RASIP1: variants seen among roughly 807,000 people sequenced by gnomAD.
RASIP1 encodes the protein Ras interacting protein 1.
RASIP1 carries 20 observed loss-of-function variants against 85.3 expected under a neutral mutation model. The ratio of observed to expected loss-of-function variants is 0.23; its 90% CI spans 0.17 to 0.34. The LOEUF (loss-of-function observed/expected upper bound fraction) is 0.34, where lower values mean the gene tolerates loss of function less well. Among genes scored for constraint, RASIP1 ranks in the 10% least tolerant of loss-of-function variants. The pLI is 1.00. For synonymous variants in RASIP1, 617 were observed against 647.1 expected (o/e 0.95, Z 0.71); for missense variants, 1,170 against 1,390.9 (o/e 0.84, Z 2.53).
intron 4 of RASIP1, among the ~76,000 whole-genome samples, chr19:48,732,663 C>G (rs1461633199): frequency 6.6e-6 from 1 of 152,132 alleles, no homozygotes; most frequent in Non-Finnish European, 1.5e-5. Flanking sequence ...CCAAAAGAGA[C>G]CTTCGTGTTC....
At chr19:48,725,906 A>G (rs2033334071) in intron 8 of RASIP1, among the ~76,000 whole-genome samples, 1 of 151,914 alleles carries the variant, frequency 6.6e-6, no homozygotes, top group South Asian at 2.1e-4. Context: ...AGTGGTGATG[A>G]TTACTTTTTT....
chr19:48,735,344 T>A lies in RASIP1; in HGVS notation c.1031A>T (p.Gln344Leu). 1 of 1,613,428 alleles carries A rather than the reference T, an allele frequency of 6.2e-7. No homozygotes were observed. The highest frequency in any genetic ancestry group is 8.5e-7 in the Non-Finnish European group (1 of 1,179,860). ...CCCTGGGGCCATGCTAAGTGCCTGCTGTCTCCGCTCCTGCTGCCGCCGCCG... is the reference window on the plus strand; with the variant it reads ...CCCTGGGGCCATGCTAAGTGCCTGCAGTCTCCGCTCCTGCTGCCGCCGCCG... ...GRRRRQQERR[Q>L]QALSMAPGAA... The change falls in exon 4 of 12, where the codon CAG becomes CTG. Residue 344 changes from glutamine to leucine, a missense_variant. Physicochemically the swap from Gln to Leu is moderately radical, Grantham distance 113. This residue lies in a region of RASIP1 where 301 missense variants were observed against 294.8 expected (regional missense o/e 1.02). Transcript: ENST00000222145.
chr19:48,728,482 A>C (rs2033381112), intron 5 of RASIP1, among the ~76,000 whole-genome samples: 1 of 151,954 alleles, frequency 6.6e-6, no homozygotes, highest in African/African-American at 2.4e-5. Context: ...ATAACCCCAA[A>C]ACACCGGGTG....
In RASIP1 at chr19:48,721,849, C is replaced by G; in HGVS notation, c.2692+5G>C. 6.2e-7 allele frequency: 1 copy of G among 1,604,242 alleles called. No homozygotes were observed. The highest frequency in any genetic ancestry group is 8.5e-7 in the Non-Finnish European group (1 of 1,176,060). On this transcript the variant is annotated splice_donor_5th_base_variant and intron_variant, in intron 11 of 11. Transcript: ENST00000222145. ...GCCCCAATGCTGTATCCCATTGCTC[C>G]TCACCTGTGTCCACAGCCTCCCGCT...
rs565632573 is a variant in RASIP1, at chr19:48,739,627, C to T, written c.156G>A (p.Thr52=). Reference sequence around the variant, plus strand: ...GTAGCGGCTCGCTGCTGCGGCTCCCCGTGTCCGACGAAGAAGACCTGGGAG... The same window carrying T: ...GTAGCGGCTCGCTGCTGCGGCTCCCTGTGTCCGACGAAGAAGACCTGGGAG... ...AASVKSSSSD[T]GSRSSEPLPP... The change falls in exon 3 of 12, where the codon ACG becomes ACA. Residue 52 remains threonine (T), a synonymous_variant. Coordinates refer to ENST00000222145, the MANE Select transcript of RASIP1 (RefSeq NM_017805.3). This position sits in a 1 kb window ranked among gnomAD's most constrained non-coding sequence, Gnocchi z 9.2. The T allele has an allele frequency of 1.6e-5, 23 of 1,432,854 alleles. No homozygotes were observed. In the East Asian group the frequency reaches 1.7e-4, roughly 11 times the overall value. The allele number at this position is 1,432,854 out of a possible 1,614,324, so 88.8% of individuals were successfully genotyped here. A position where few individuals can be genotyped will look rare whatever the true frequency, so the allele number is the denominator to read the frequency against.
At chr19:48,734,494 T>C (rs555396933) in intron 4 of RASIP1, among the ~76,000 whole-genome samples, 3,773 of 147,542 alleles carry the variant, frequency 0.026, 88 homozygotes, top group African/African-American at 0.052. Context: ...TTCTTTCTTT[T>C]TTTTTTTTTT....
Position 48,722,007 on chromosome 19 carries a change from G to A in RASIP1, c.2545-6C>T. On this transcript the variant is annotated splice_polypyrimidine_tract_variant and splice_region_variant and intron_variant, in intron 10 of 11. Transcript: ENST00000222145. ...CTTAGGCTGCTCCATGAAGCCTGGT[G>A]GGAAGACCAGGTGAGAGGTTGATGG... The A allele has an allele frequency of 7.0e-7, 1 of 1,421,178 alleles. No individual in the cohort carries two copies. 88.0% of individuals were successfully genotyped at this position (1,421,178 alleles called of 1,614,324 possible). A position where few individuals can be genotyped will look rare whatever the true frequency, so the allele number is the denominator to read the frequency against.
At chr19:48,735,045 A>C in intron 4 of RASIP1, 151 bp downstream of exon 4, 1 of 671,618 alleles carries the variant, frequency 1.5e-6, no homozygotes, top group Non-Finnish European at 2.5e-6. Flanking sequence ...CTCTCCTGTG[A>C]ATCTCTACTC....
At chr19:48,736,647 A>G (rs1039599462) in intron 3 of RASIP1, among the ~76,000 whole-genome samples, 1 of 152,170 alleles carries the variant, frequency 6.6e-6, no homozygotes, top group Non-Finnish European at 1.5e-5. Flanking sequence ...AGCTGAATGA[A>G]TGGACTGATG....
At position 48,730,836 on chromosome 19, in the gene RASIP1, G is replaced by A. The variant is rs370019492; in HGVS notation, c.1180-1246C>T. Among the ~76,000 whole-genome samples, 23 of 152,214 alleles carry A rather than the reference G, an allele frequency of 1.5e-4. No individual in the cohort carries two copies. In the East Asian group the frequency reaches 3.7e-3, roughly 24 times the overall value. ...AGGTCAAGAGTTCAAGACCAGACAC[G>A]GTGAAACCTGTCTCTACTAAAAATA... On this transcript the variant is annotated intron_variant, in intron 4 of 11. Coordinates refer to ENST00000222145, the MANE Select transcript of RASIP1 (RefSeq NM_017805.3).
chr19:48,729,646 C>A, intron 4 of RASIP1, 56 bp from the exon 5 acceptor site: 1 of 1,480,182 alleles, frequency 6.8e-7, no homozygotes, highest in Non-Finnish European at 9.2e-7. Flanking sequence ...ATCTTCAGAT[C>A]TGTTCTCTCT....
chr19:48,733,135 C>T (rs1273457294), intron 4 of RASIP1, among the ~76,000 whole-genome samples: 2 of 152,192 alleles, frequency 1.3e-5, no homozygotes, highest in African/African-American at 4.8e-5. Context: ...GGGGATTCTC[C>T]TGCCTCAGCC....
chr19:48,739,467 C>A lies in RASIP1; in HGVS notation c.316G>T (p.Ala106Ser). ...SGTGTTGSSG[A>S]GGPGTPGGAQ... ...CCCCCCGGGGTCCCAGGGCCTCCTG[C>A]GCCGCTGGACCCCGTGGTCCCGGTC... The change falls in exon 3 of 12, where the codon GCA becomes TCA. Residue 106 changes from alanine (A) to serine (S), a missense_variant. Ala to Ser is a moderately conservative substitution (Grantham distance 99, BLOSUM62 1). Coordinates refer to ENST00000222145, the MANE Select transcript of RASIP1 (RefSeq NM_017805.3). This position sits in a 1 kb window ranked among gnomAD's most constrained non-coding sequence, Gnocchi z 9.2. 1 of 1,477,872 alleles carries A rather than the reference C, an allele frequency of 6.8e-7. No homozygotes were observed. The highest frequency in any genetic ancestry group is 1.3e-5 in the South Asian group (1 of 78,376). The allele number at this position is 1,477,872 out of a possible 1,614,324, so 91.5% of individuals were successfully genotyped here.
rs186806739 is a variant in RASIP1, at chr19:48,730,404, C to T, written c.1180-814G>A. ...GTCTCGATCTCTTGACCTTGTGATC[C>T]GCCTGCCTTGGCCTCCTAAAGTGCT... On this transcript the variant is annotated intron_variant, in intron 4 of 11. Coordinates refer to ENST00000222145, the MANE Select transcript of RASIP1 (RefSeq NM_017805.3). Among the ~76,000 whole-genome samples, 50 of 152,160 alleles carry T rather than the reference C, an allele frequency of 3.3e-4. No homozygotes were observed. The East Asian group carries it at 5.4e-3, about 17-fold the overall frequency.
chr19:48,739,142 G>A lies in RASIP1; in HGVS notation c.641C>T (p.Ala214Val). 1 of 1,361,594 alleles carries A rather than the reference G, an allele frequency of 7.3e-7. No individual in the cohort carries two copies. The highest frequency in any genetic ancestry group is 1.7e-5 in the South Asian group (1 of 57,278). The allele number at this position is 1,361,594 out of a possible 1,614,324, so 84.3% of individuals were successfully genotyped here. The change falls in exon 3 of 12, where the codon GCG (alanine) becomes GTG (valine). Residue 214 changes from alanine to valine, a missense_variant. Around this residue, in one of 4 missense-constraint regions of RASIP1, gnomAD observed 299 missense variants for 394.4 expected, o/e 0.76. Coordinates refer to ENST00000222145, the MANE Select transcript of RASIP1 (RefSeq NM_017805.3). This position sits in a 1 kb window ranked among gnomAD's most constrained non-coding sequence, Gnocchi z 9.2. ...LCDALGRPAA[A>V]GVGSGEWRAE... ...CCGCCACTCGCCGCTTCCCACGCCC[G>A]CCGCCGCGGGCCGGCCCAGAGCGTC...
At position 48,720,851 on chromosome 19, in the gene RASIP1, G is replaced by A; in HGVS notation, c.2839C>T (p.Gln947Ter). ...TGGCGATAATTGGCTGGCAGCTCCT[G>A]CTGCTCAAGATCCCAGAGGAGGCGG... ...LRRLLWDLEQQELPANYRHGP... is the reference protein window; with the variant it reads ...LRRLLWDLEQ Residue 947 changes from glutamine (Q) to a stop codon, truncating the protein, a stop_gained, in exon 12 of 12, where the codon CAG becomes TAG. Transcript: ENST00000222145. LOFTEE classifies it high-confidence loss of function. 6.2e-7 allele frequency: 1 copy of A among 1,614,092 alleles called. No individual in the cohort carries two copies. Among genetic ancestry groups the A allele is most frequent in the Non-Finnish European group, 8.5e-7 (1 of 1,180,030 alleles).
rs1327337540 is a variant in RASIP1 at position 48,729,330 on chromosome 19, G to A, written c.1440C>T (p.Gly480=). The change falls in exon 5 of 12, where the codon GGC becomes GGT. Residue 480 remains glycine (G), a synonymous_variant. Transcript: ENST00000222145. Reference sequence around the variant, plus strand: ...CCTTGTACATGAACAGGAAGTGCTCGCCCAGCCCCAGGAGGTCGCCCGGGT... The same window carrying A: ...CCTTGTACATGAACAGGAAGTGCTCACCCAGCCCCAGGAGGTCGCCCGGGT... The part of the protein sequence containing the change: ...ELHPGDLLGL[G]EHFLFMYKDP... The A allele has an allele frequency of 1.9e-6, 3 of 1,560,534 alleles. No homozygotes were observed. The highest frequency in any genetic ancestry group is 1.2e-5 in the South Asian group (1 of 84,770).
chr19:48,725,583 G>C (rs2033328711), intron 8 of RASIP1: 1 of 152,256 alleles, frequency 6.6e-6, no homozygotes, highest in Non-Finnish European at 1.5e-5. Flanking sequence ...AAGGGTAATG[G>C]GGGGGAAACT....
rs1309638188 is a variant in RASIP1, at chr19:48,739,375, C to T, written c.408G>A (p.Pro136=). The change falls in exon 3 of 12, where the codon CCG becomes CCA. Residue 136 remains proline, a synonymous_variant. Transcript: ENST00000222145. This position sits in a 1 kb window ranked among gnomAD's most constrained non-coding sequence, Gnocchi z 9.2. ...ELAAGVAPEP[P]LATRATAPPG... Reference sequence around the variant, plus strand: ...GAGGCGCCGTGGCGCGGGTAGCCAGCGGGGGCTCGGGGGCCACGCCCGCCG... The same window carrying T: ...GAGGCGCCGTGGCGCGGGTAGCCAGTGGGGGCTCGGGGGCCACGCCCGCCG... 7.5e-6 allele frequency: 10 copies of T among 1,341,782 alleles called. No individual in the cohort carries two copies. Among genetic ancestry groups the T allele is most frequent in the East Asian group, 3.1e-5 (1 of 32,072 alleles). 83.1% of individuals were successfully genotyped at this position (1,341,782 alleles called of 1,614,324 possible). A position where few individuals can be genotyped will look rare whatever the true frequency, so the allele number is the denominator to read the frequency against.
Sources: allele counts gnomAD v4.1 joint callset (sites outside exome capture counted in the v4.1 genomes callset), GRCh38; gene constraint gnomAD v4.1.1; regional missense constraint gnomAD v4.1.1; non-coding constraint Gnocchi (gnomAD v3.1); transcripts MANE v1.5; gene names NCBI Gene and HGNC (gene_info 2026-07-23, HGNC 2026-07-21).